Variants in NAPEPLD observed in about 807,000 individuals in gnomAD.
NAPEPLD encodes N-acyl phosphatidylethanolamine phospholipase D, also known as N-acyl-phosphatidylethanolamine-hydrolyzing phospholipase D.
In NAPEPLD, 23 loss-of-function variants were observed where a neutral mutation model predicts 38.1. The observed-to-expected ratio is 0.60, with a 90% CI of 0.43 to 0.86. The LOEUF (loss-of-function observed/expected upper bound fraction) is 0.86. Ranked by LOEUF, NAPEPLD falls within the 40% of genes least tolerant of loss-of-function variation. The pLI is 0.00. For missense variants in NAPEPLD, 411 were observed against 476.8 expected, an observed-to-expected ratio of 0.86 and a Z score of 1.28; for synonymous variants, 147 against 162.0, an observed-to-expected ratio of 0.91 and a Z score of 0.71.
At chr7:103,104,345 G>A (rs995906255) in intron 4 of NAPEPLD, among the ~76,000 whole-genome samples, 3 of 152,202 alleles carry the variant, frequency 2.0e-5, no homozygotes, top group Admixed American at 6.5e-5. Flanking sequence ...GACTGGATGC[G>A]ATTCCCAAGG....
intron 1 of NAPEPLD, among the ~76,000 whole-genome samples, chr7:103,131,664 A>G (rs567183832): frequency 2.1e-4 from 28 of 136,438 alleles, no homozygotes; most frequent in East Asian, 1.4e-3. Context: ...TCTCAAGGGG[A>G]AAAAAAAAAA....
intron 4 of NAPEPLD, among the ~76,000 whole-genome samples, chr7:103,111,365 C>T (rs1804485867): frequency 1.3e-5 from 2 of 152,170 alleles, no homozygotes; most frequent in Admixed American, 1.3e-4. Context: ...AGCTATACTA[C>T]AAGGTTACAG....
intron 1 of NAPEPLD, among the ~76,000 whole-genome samples, chr7:103,137,796 A>T (rs1352524061): frequency 1.4e-5 from 2 of 140,104 alleles, no homozygotes; most frequent in Non-Finnish European, 3.0e-5. Context: ...AGCCTGGGTG[A>T]CAGAGCAAGA....
chr7:103,134,853 A>T (rs149439530), intron 1 of NAPEPLD, among the ~76,000 whole-genome samples: 2 of 152,336 alleles, frequency 1.3e-5, no homozygotes, highest in Non-Finnish European at 2.9e-5. Flanking sequence ...AAGACAAGTC[A>T]GCCAAGTACA....
At chr7:103,132,618 TA>T (rs1371666684) in intron 1 of NAPEPLD, among the ~76,000 whole-genome samples, 1 of 151,260 alleles carries the variant, frequency 6.6e-6, no homozygotes, top group Non-Finnish European at 1.5e-5. Context: ...AATAAATAAA[TA>T]AAATAAAAAA....
intron 2 of NAPEPLD, among the ~76,000 whole-genome samples, chr7:103,122,513 G>T (rs1016018327): frequency 4.6e-5 from 7 of 152,136 alleles, no homozygotes; most frequent in African/African-American, 1.4e-4. Flanking sequence ...TGGGAAGAAG[G>T]CCTGGACAGG....
intron 4 of NAPEPLD, 58 bp downstream of exon 4, chr7:103,115,002 G>T: frequency 7.7e-7 from 1 of 1,293,008 alleles, no homozygotes; most frequent in Non-Finnish European, 1.1e-6. Context: ...GAACAGTGAT[G>T]CCTGAATCCT....
chr7:103,146,096 A>G (rs1812497940), intron 1 of NAPEPLD, among the ~76,000 whole-genome samples: 1 of 152,174 alleles, frequency 6.6e-6, no homozygotes, highest in African/African-American at 2.4e-5. Flanking sequence ...TTGAACAGAG[A>G]ACATCTTTGT....
At position 103,119,628 on chromosome 7, in the gene NAPEPLD, CT is replaced by C; in HGVS notation, c.889del (p.Arg297AspfsTer21). On this transcript the variant is annotated frameshift_variant, in exon 3 of 5. Transcript: ENST00000465647. LOFTEE classifies it high-confidence loss of function. The part of the protein sequence containing the change: ...YCPAFEEIGK[R>X]FGPFDLAAIP... ...AGCTGCAAGGTCAAAAGGTCCAAAT[CT>C]TTTTCCTATCTCTTCAAAAGCAGGG... is the stretch of plus-strand genomic sequence containing the variant. 6.2e-7 allele frequency: 1 copy of C among 1,614,116 alleles called. No individual in the cohort carries two copies. The highest frequency in any genetic ancestry group is 8.5e-7 in the Non-Finnish European group (1 of 1,180,024).
intron 1 of NAPEPLD, among the ~76,000 whole-genome samples, chr7:103,137,246 A>G (rs1228694994): frequency 6.6e-6 from 1 of 152,222 alleles, no homozygotes; most frequent in Non-Finnish European, 1.5e-5. Context: ...CCCCAAATAA[A>G]TAGTTCTGAG....
Position 103,141,335 on chromosome 7 carries a change from CAA to C in NAPEPLD, c.-17+7474_-17+7475del, listed in dbSNP as rs1811309375. The C allele has an allele frequency of 8.6e-6, 5 of 583,040 alleles. No homozygotes were observed. In the East Asian group the frequency reaches 2.0e-4, roughly 23 times the overall value. The allele number at this position is 583,040 out of a possible 1,614,324, so 36.1% of individuals were successfully genotyped here. ...AATCACGGAGGCCAGTATGTACACA[CAA>C]AGGGGCAGCTTTTATTTCTTGGTCT... On this transcript the variant is annotated intron_variant, in intron 1 of 4. Transcript: ENST00000465647.
upstream of NAPEPLD, chr7:103,149,320 C>T (rs1813264144): frequency 8.9e-7 from 1 of 1,117,946 alleles, no homozygotes; most frequent in Admixed American, 5.5e-5. Flanking sequence ...GCCTCAGTTC[C>T]GCGGCTTCCG....
intron 4 of NAPEPLD, among the ~76,000 whole-genome samples, chr7:103,108,876 A>C (rs1803938112): frequency 6.6e-6 from 1 of 152,234 alleles, no homozygotes; most frequent in Non-Finnish European, 1.5e-5. Flanking sequence ...CATAGGCTCA[A>C]AATAAAGGGA....
intron 2 of NAPEPLD, among the ~76,000 whole-genome samples, chr7:103,121,460 AC>A (rs984571659): frequency 6.6e-6 from 1 of 152,010 alleles, no homozygotes; most frequent in Non-Finnish European, 1.5e-5. Context: ...CTTCCTACTT[AC>A]CCCAGAAACA....
intron 3 of NAPEPLD, among the ~76,000 whole-genome samples, chr7:103,117,219 T>C (rs1417973249): frequency 6.6e-6 from 1 of 152,204 alleles, no homozygotes; most frequent in African/African-American, 2.4e-5. Flanking sequence ...AACAGATATT[T>C]ACTGTTAGGA....
chr7:103,131,141 G>C (rs1242069350), intron 1 of NAPEPLD, among the ~76,000 whole-genome samples: 2 of 151,988 alleles, frequency 1.3e-5, no homozygotes, highest in Non-Finnish European at 2.9e-5. Context: ...AACAGCTTAT[G>C]AGATATCTGT....
chr7:103,145,427 A>G (rs1363992900), intron 1 of NAPEPLD, among the ~76,000 whole-genome samples: 2 of 152,260 alleles, frequency 1.3e-5, no homozygotes, highest in Non-Finnish European at 2.9e-5. Context: ...GAGACACTAT[A>G]TGAGGAAAGA....
At chr7:103,107,158 G>A (rs1345749190) in intron 4 of NAPEPLD, among the ~76,000 whole-genome samples, 1 of 152,128 alleles carries the variant, frequency 6.6e-6, no homozygotes, top group Non-Finnish European at 1.5e-5. Flanking sequence ...TGCAGCAGAG[G>A]GGCCTGTAAG....
intron 1 of NAPEPLD, among the ~76,000 whole-genome samples, chr7:103,142,442 C>G (rs571438917): frequency 1.3e-5 from 2 of 152,046 alleles, no homozygotes; most frequent in Non-Finnish European, 2.9e-5. Context: ...CCCATCTCTA[C>G]TAAAAATACA....
Sources: gnomAD v4.1 joint callset for allele counts (sites outside exome capture counted in the v4.1 genomes callset) on GRCh38, gnomAD v4.1.1 for gene constraint, MANE v1.5 for transcripts, NCBI Gene and HGNC (gene_info 2026-07-23, HGNC 2026-07-21) for gene names.